FRMD5: variants seen among roughly 807,000 people sequenced by gnomAD.
The protein encoded by FRMD5 is FERM domain containing 5, also known as FERM domain-containing protein 5.
FRMD5 carries 20 observed loss-of-function variants against 69.0 expected under a neutral mutation model. That is an observed-to-expected ratio of 0.29 (90% CI 0.20 to 0.42). The LOEUF (loss-of-function observed/expected upper bound fraction) is 0.42, where lower values mean the gene tolerates loss of function less well. Among genes scored for constraint, FRMD5 ranks in the 10% least tolerant of loss-of-function variants. FRMD5 has a pLI of 1.00. For synonymous variants in FRMD5, 271 were observed against 260.1 expected (o/e 1.04, Z -0.40); for missense variants, 595 against 708.6 (o/e 0.84, Z 1.82).
At chr15:44,153,478 A>G (rs776956455) in intron 1 of FRMD5, among the ~76,000 whole-genome samples, 2 of 152,188 alleles carry the variant, frequency 1.3e-5, no homozygotes, top group Non-Finnish European at 2.9e-5. Context: ...AAAGACAAAT[A>G]CTGTATGATT....
rs2089353245 is a variant in FRMD5 at position 43,914,728 on chromosome 15, T to TTTTTTTTTTTTTTTTTTTTTTG, written c.329+4730_329+4731insCAAAAAAAAAAAAAAAAAAAAA. Reference sequence around the variant, plus strand: ...CAACTCTATGAGGTGACTACCTTTTTTTTTTTTTTTTTTTTTGAGATGGAG... The same window carrying TTTTTTTTTTTTTTTTTTTTTTG: ...CAACTCTATGAGGTGACTACCTTTTTTTTTTTTTTTTTTTTTTTTTTGTTTTTTTTTTTTTTTTGAGATGGAG... On this transcript the variant is annotated intron_variant, in intron 4 of 13. Coordinates refer to ENST00000417257, the MANE Select transcript of FRMD5 (RefSeq NM_032892.5). Among the ~76,000 whole-genome samples, 2 of 139,170 alleles carry TTTTTTTTTTTTTTTTTTTTTTG rather than the reference T, an allele frequency of 1.4e-5. 1 individual carries two copies. The highest frequency in any genetic ancestry group is 6.1e-5 in the African/African-American group (2 of 32,644). The allele number at this position is 139,170 out of a possible 152,430, so 91.3% of individuals were successfully genotyped here.
chr15:44,104,760 C>T (rs2076691061), intron 1 of FRMD5, among the ~76,000 whole-genome samples: 1 of 152,120 alleles, frequency 6.6e-6, no homozygotes, highest in South Asian at 2.1e-4. Context: ...ATGATGTTCA[C>T]ACAACAAAAT....
At chr15:44,125,153 C>G (rs2077008527) in intron 1 of FRMD5, among the ~76,000 whole-genome samples, 1 of 152,090 alleles carries the variant, frequency 6.6e-6, no homozygotes, top group East Asian at 1.9e-4. Flanking sequence ...GAAAGAATAA[C>G]TAGCTGGGCA....
chr15:44,102,269 G>A (rs990097088), intron 1 of FRMD5, among the ~76,000 whole-genome samples: 2 of 152,220 alleles, frequency 1.3e-5, no homozygotes, highest in Non-Finnish European at 2.9e-5. Context: ...AAGCCTGGAT[G>A]CTACAGTGTG....
chr15:43,984,751 AGGTG>A (rs1248189404), intron 1 of FRMD5, among the ~76,000 whole-genome samples: 3 of 152,174 alleles, frequency 2.0e-5, no homozygotes, highest in Non-Finnish European at 4.4e-5. Context: ...TGGGAGGCCG[AGGTG>A]GGTGGATCAC....
At chr15:43,991,909 G>C (rs1215666282) in intron 1 of FRMD5, among the ~76,000 whole-genome samples, 1 of 152,102 alleles carries the variant, frequency 6.6e-6, no homozygotes, top group Non-Finnish European at 1.5e-5. Flanking sequence ...CTAATTAGTA[G>C]GTTTCCAGAA....
At chr15:43,962,854 T>C (rs572877377) in intron 1 of FRMD5, among the ~76,000 whole-genome samples, 2 of 152,350 alleles carry the variant, frequency 1.3e-5, no homozygotes, top group African/African-American at 4.8e-5. Context: ...GCTAGCCATA[T>C]GCAGAAAGCT....
chr15:44,086,623 T>C (rs1479528349), intron 1 of FRMD5, among the ~76,000 whole-genome samples: 2 of 152,170 alleles, frequency 1.3e-5, no homozygotes, highest in Non-Finnish European at 2.9e-5. Flanking sequence ...CTGGAACTAG[T>C]GAGTGATGAG....
chr15:43,992,443 A>T (rs560672256), intron 1 of FRMD5, among the ~76,000 whole-genome samples: 2 of 150,124 alleles, frequency 1.3e-5, no homozygotes, highest in African/African-American at 4.9e-5. Context: ...CCGTGGTGCG[A>T]TATCAGCTCA....
intron 4 of FRMD5, 107 bp from the exon 5 acceptor site, chr15:43,910,086 C>G (rs1315462485): frequency 5.2e-6 from 3 of 577,926 alleles, no homozygotes; most frequent in Admixed American, 2.9e-5. Flanking sequence ...ACTTTTACTA[C>G]ATTAAAAAAA....
intron 1 of FRMD5, among the ~76,000 whole-genome samples, chr15:44,152,008 G>A (rs868590744): frequency 6.6e-6 from 1 of 152,112 alleles, no homozygotes; most frequent in African/African-American, 2.4e-5. Context: ...TCAGGAGTTC[G>A]AGACCAGCCT....
chr15:44,136,191 T>C (rs1260028028), intron 1 of FRMD5, among the ~76,000 whole-genome samples: 1 of 130,090 alleles, frequency 7.7e-6, no homozygotes, highest in Non-Finnish European at 1.7e-5. Context: ...TTTTGTTTTG[T>C]TTTGTTTTGT....
At chr15:44,127,401 CTTT>C (rs1354423167) in intron 1 of FRMD5, among the ~76,000 whole-genome samples, 1 of 152,108 alleles carries the variant, frequency 6.6e-6, no homozygotes, top group Non-Finnish European at 1.5e-5. Flanking sequence ...CTAATAAATG[CTTT>C]TTTATTGTGA....
At chr15:44,155,365 G>A (rs1425732450) in intron 1 of FRMD5, among the ~76,000 whole-genome samples, 1 of 151,558 alleles carries the variant, frequency 6.6e-6, no homozygotes, top group Non-Finnish European at 1.5e-5. Context: ...CCAGGAGGCA[G>A]AGGTTGCAGT....
At chr15:44,171,993 A>C (rs1428788751) in intron 1 of FRMD5, among the ~76,000 whole-genome samples, 1 of 150,510 alleles carries the variant, frequency 6.6e-6, no homozygotes, top group Non-Finnish European at 1.5e-5. Flanking sequence ...CAAACTCCTG[A>C]CCTCAAGTGA....
At chr15:43,878,715 T>G (rs1208950620) in intron 13 of FRMD5, among the ~76,000 whole-genome samples, 3 of 152,160 alleles carry the variant, frequency 2.0e-5, no homozygotes, top group African/African-American at 4.8e-5. Context: ...TGCCCCTTCA[T>G]GAAGACAGCT....
intron 7 of FRMD5, among the ~76,000 whole-genome samples, chr15:43,896,783 G>A (rs1373487241): frequency 1.3e-5 from 2 of 152,186 alleles, no homozygotes; most frequent in Non-Finnish European, 2.9e-5. Context: ...TCTGGGCCAT[G>A]ACTCAAACTA....
At chr15:44,100,221 A>T (rs1963380) in intron 1 of FRMD5, among the ~76,000 whole-genome samples, 134,164 of 149,242 alleles carry the variant, frequency 0.9, 60,721 homozygotes, top group East Asian at 1. Flanking sequence ...ACCCGGCTAA[A>T]TTTTTTTTTT....
chr15:44,126,887 C>G (rs1008734587), intron 1 of FRMD5, among the ~76,000 whole-genome samples: 1 of 152,178 alleles, frequency 6.6e-6, no homozygotes, highest in East Asian at 1.9e-4. Context: ...GTCAAGAGAA[C>G]GTTAAGCTAA....
Sources: allele counts gnomAD v4.1 joint callset (sites outside exome capture counted in the v4.1 genomes callset), GRCh38; gene constraint gnomAD v4.1.1; transcripts MANE v1.5; gene names NCBI Gene and HGNC (gene_info 2026-07-23, HGNC 2026-07-21).